Variants in TTC1 observed in about 807,000 individuals in gnomAD.
The protein encoded by TTC1 is tetratricopeptide repeat domain 1, also known as tetratricopeptide repeat protein 1.
Under a neutral mutation model 37.6 loss-of-function variants are expected in TTC1, and 31 were observed. That is an observed-to-expected ratio of 0.82 (90% CI 0.62 to 1.11). The LOEUF (loss-of-function observed/expected upper bound fraction) is 1.11. TTC1 is among the 50% of genes most tolerant of loss of function. The pLI is 0.00. For synonymous variants in TTC1, 127 were observed against 122.4 expected (o/e 1.04, Z -0.25); for missense variants, 351 against 339.0 (o/e 1.04, Z -0.28).
At chr5:160,031,440 C>A (rs1246093586) in intron 2 of TTC1, among the ~76,000 whole-genome samples, 3 of 151,834 alleles carry the variant, frequency 2.0e-5, no homozygotes, top group Non-Finnish European at 4.4e-5. Flanking sequence ...GGCAAAACCC[C>A]CATCTCTACT....
rs577497201 is a variant in TTC1 at position 160,026,535 on chromosome 5, C to G, written c.331-8605C>G. Among the ~76,000 whole-genome samples, 6 of 152,224 alleles carry G rather than the reference C, an allele frequency of 3.9e-5. 1 individual carries two copies. In the South Asian group the frequency reaches 1.2e-3, roughly 32 times the overall value. ...TGTTATATTTTCCCAATTTGTTGACCTTTTTACCGTTATGAAATATCCCCT... is the reference window on the plus strand; with the variant it reads ...TGTTATATTTTCCCAATTTGTTGACGTTTTTACCGTTATGAAATATCCCCT... On this transcript the variant is annotated intron_variant, in intron 2 of 7. Transcript: ENST00000231238.
chr5:160,063,225 G>C (rs893507438), intron 7 of TTC1, among the ~76,000 whole-genome samples: 2 of 152,146 alleles, frequency 1.3e-5, no homozygotes, highest in African/African-American at 4.8e-5. Context: ...CCTGTAAAAT[G>C]TAAAGGCCAT....
intron 2 of TTC1, among the ~76,000 whole-genome samples, chr5:160,012,439 A>G (rs1756520146): frequency 6.6e-6 from 1 of 151,176 alleles, no homozygotes; most frequent in South Asian, 2.1e-4. Flanking sequence ...ATCACGGCTC[A>G]CTGCAGTTTC....
At chr5:160,031,225 G>T (rs1473034516) in intron 2 of TTC1, among the ~76,000 whole-genome samples, 1 of 152,160 alleles carries the variant, frequency 6.6e-6, no homozygotes, top group African/African-American at 2.4e-5. Context: ...CTCTTAATTT[G>T]CACAATCTGT....
chr5:160,038,740 G>A (rs928009713), intron 4 of TTC1, among the ~76,000 whole-genome samples: 2 of 141,912 alleles, frequency 1.4e-5, no homozygotes, highest in Non-Finnish European at 3.0e-5. Context: ...TCGGCTCACT[G>A]CAACCTCCGC....
chr5:160,023,842 T>G, intron 2 of TTC1: 1 of 1,613,568 alleles, frequency 6.2e-7, no homozygotes, highest in Non-Finnish European at 8.5e-7. Context: ...CAGAGTCAGA[T>G]GACTTCCAAT....
intron 2 of TTC1, among the ~76,000 whole-genome samples, chr5:160,025,233 G>T (rs1756781044): frequency 1.3e-5 from 2 of 152,152 alleles, no homozygotes; most frequent in Admixed American, 1.3e-4. Context: ...TGACCATGTT[G>T]GCCAGGCTGG....
At chr5:160,020,786 G>T (rs1756690640) in intron 2 of TTC1, among the ~76,000 whole-genome samples, 1 of 152,166 alleles carries the variant, frequency 6.6e-6, no homozygotes, top group South Asian at 2.1e-4. Context: ...AGGAAAACAA[G>T]CTTAGGGCTC....
At position 160,010,673 on chromosome 5, in the gene TTC1, G is replaced by T; in HGVS notation, c.145G>T (p.Asp49Tyr). The T allele has an allele frequency of 6.2e-7, 1 of 1,613,822 alleles. No individual in the cohort carries two copies. The highest frequency in any genetic ancestry group is 8.5e-7 in the Non-Finnish European group (1 of 1,179,850). Reference sequence around the variant, plus strand: ...TTCCCAGAGTAAGCTGCTCAGGGATGATGAGGCCCATCTCCAGGAGGACCA... The same window carrying T: ...TTCCCAGAGTAAGCTGCTCAGGGATTATGAGGCCCATCTCCAGGAGGACCA... ...QHSQSKLLRDDEAHLQEDQGE... is the reference protein window; with the variant it reads ...QHSQSKLLRDYEAHLQEDQGE... The change falls in exon 2 of 8, where the codon GAT becomes TAT. Residue 49 changes from aspartate (D) to tyrosine (Y), a missense_variant. By Grantham distance (160) the Asp-to-Tyr change is radical. Transcript: ENST00000231238.
At chr5:160,039,684 C>A (rs1388505797) in intron 4 of TTC1, among the ~76,000 whole-genome samples, 1 of 152,096 alleles carries the variant, frequency 6.6e-6, no homozygotes, top group African/African-American at 2.4e-5. Flanking sequence ...CAGTTGTACA[C>A]ATAAATTGTA....
intron 5 of TTC1, among the ~76,000 whole-genome samples, chr5:160,043,986 T>C (rs1270556022): frequency 6.6e-6 from 1 of 152,178 alleles, no homozygotes; most frequent in Non-Finnish European, 1.5e-5. Flanking sequence ...TTTTGTTTTG[T>C]TTTTCAAAAA....
At chr5:160,027,409 T>C (rs1419973510) in intron 2 of TTC1, among the ~76,000 whole-genome samples, 1 of 152,222 alleles carries the variant, frequency 6.6e-6, no homozygotes, top group African/African-American at 2.4e-5. Flanking sequence ...TTTCCTCTCC[T>C]CCACTTCGAA....
intron 4 of TTC1, among the ~76,000 whole-genome samples, chr5:160,038,019 T>G (rs1172850400): frequency 1.3e-5 from 2 of 152,136 alleles, no homozygotes; most frequent in African/African-American, 4.8e-5. Context: ...TGTTGTTTTT[T>G]TTAAAGGCCC....
chr5:160,025,758 T>C (rs1363340964), intron 2 of TTC1, among the ~76,000 whole-genome samples: 1 of 152,204 alleles, frequency 6.6e-6, no homozygotes, highest in South Asian at 2.1e-4. Context: ...TTTTGTTTTG[T>C]TTTGCTTTGC....
intron 4 of TTC1, among the ~76,000 whole-genome samples, chr5:160,038,511 C>T (rs1016803006): frequency 6.6e-6 from 1 of 152,186 alleles, no homozygotes; most frequent in African/African-American, 2.4e-5. Flanking sequence ...CATAAATAGT[C>T]TGGTTCTTGA....
At chr5:160,041,313 CTT>C (rs368094676) in intron 4 of TTC1, among the ~76,000 whole-genome samples, 31 of 135,512 alleles carry the variant, frequency 2.3e-4, no homozygotes, top group Admixed American at 3.0e-4. Flanking sequence ...TGCTTTCTTT[CTT>C]TTTTTTTTTT....
chr5:160,024,976 G>T (rs903654389), intron 2 of TTC1, among the ~76,000 whole-genome samples: 1 of 152,070 alleles, frequency 6.6e-6, no homozygotes, highest in Non-Finnish European at 1.5e-5. Context: ...AGCTGGGACT[G>T]CAGGCATGAG....
At chr5:160,028,577 G>A (rs144297973) in intron 2 of TTC1, among the ~76,000 whole-genome samples, 345 of 152,156 alleles carry the variant, frequency 2.3e-3, no homozygotes, top group South Asian at 3.5e-3. Context: ...GGGCTCAAGC[G>A]ATCCTCCCAC....
rs571499464 is a variant in TTC1, at chr5:160,050,977, G to T, written c.691-152G>T. ...CGCACCACAAACATAAATACTTGGG[G>T]TTTTTTTTTTTTATTTAATAGGATC... On this transcript the variant is annotated intron_variant, in intron 6 of 7. Coordinates refer to ENST00000231238, the MANE Select transcript of TTC1 (RefSeq NM_003314.3). 1.9e-3 allele frequency: 830 copies of T among 447,196 alleles called. 4 individuals are homozygous for T. Among genetic ancestry groups the T allele is most frequent in the African/African-American group, 5.7e-3 (279 of 48,736 alleles). 27.7% of individuals were successfully genotyped at this position (447,196 alleles called of 1,614,324 possible).
Sources: gnomAD v4.1 joint callset for allele counts (sites outside exome capture counted in the v4.1 genomes callset) on GRCh38, gnomAD v4.1.1 for gene constraint, MANE v1.5 for transcripts, NCBI Gene and HGNC (gene_info 2026-07-23, HGNC 2026-07-21) for gene names.